Variants in ARID4A observed in about 807,000 individuals in gnomAD.
ARID4A encodes AT-rich interaction domain 4A.
In ARID4A, 39 loss-of-function variants were observed where a neutral mutation model predicts 148.6. The observed-to-expected ratio is 0.26, with a 90% CI of 0.20 to 0.34. The LOEUF is 0.34. Among genes scored for constraint, ARID4A ranks in the 10% least tolerant of loss-of-function variants. The pLI, the probability that ARID4A is intolerant of heterozygous loss-of-function variation, is 1.00. For synonymous variants in ARID4A, 475 were observed against 481.2 expected (o/e 0.99, Z 0.17); for missense variants, 1,265 against 1,449.1 (o/e 0.87, Z 2.06).
At chr14:58,342,913 A>G (rs118165328) in intron 11 of ARID4A, among the ~76,000 whole-genome samples, 4,319 of 138,026 alleles carry the variant, frequency 0.031, 85 homozygotes, top group Non-Finnish European at 0.044. Context: ...CTCTGTCTTT[A>G]AAAAAAAAAA....
In ARID4A at chr14:58,351,335, T is replaced by C; in HGVS notation, c.1655+12T>C. 6.3e-7 allele frequency: 1 copy of C among 1,586,530 alleles called. No individual in the cohort carries two copies. The highest frequency in any genetic ancestry group is 8.5e-7 in the Non-Finnish European group (1 of 1,172,814). The stretch of plus-strand genomic sequence containing the variant: ...AAAAGCCAAGAGAGGTACATTATCT[T>C]ATGTTTGTTCTCCAGAAGCACCTGT... On this transcript the variant is annotated intron_variant, in intron 16 of 23. Coordinates refer to ENST00000355431, the MANE Select transcript of ARID4A (RefSeq NM_002892.4).
In ARID4A at chr14:58,329,516, C is replaced by G. The variant is rs936994266; in HGVS notation, c.663-12C>G. On this transcript the variant is annotated splice_polypyrimidine_tract_variant and intron_variant, in intron 9 of 23. Transcript: ENST00000355431. ...AATAAATTGTTTTCCTCCCCTTCTT[C>G]TTGATAATTAGTTACTCTATAGCAA... is the stretch of plus-strand genomic sequence containing the variant. 5 of 1,554,476 alleles carry G rather than the reference C, an allele frequency of 3.2e-6. No homozygotes were observed. In the African/African-American group the frequency reaches 6.8e-5, roughly 21 times the overall value.
In ARID4A at chr14:58,372,579, G is replaced by A. The variant is rs1283747191; in HGVS notation, c.*590G>A. 9.7e-6 allele frequency: 2 copies of A among 206,954 alleles called. No individual in the cohort carries two copies. The highest frequency in any genetic ancestry group is 3.1e-3 in the Middle Eastern group (2 of 652). The allele number at this position is 206,954 out of a possible 1,614,324, so 12.8% of individuals were successfully genotyped here. ...GAAGTGTAGTTGACTGAAAACTACA[G>A]TTGTAATAAGTCTTCCACTTTTTAT... On this transcript the variant is annotated 3_prime_UTR_variant, in exon 24 of 24. Coordinates refer to ENST00000355431, the MANE Select transcript of ARID4A (RefSeq NM_002892.4).
chr14:58,322,114 G>A (rs962338761), intron 7 of ARID4A, among the ~76,000 whole-genome samples: 5 of 151,798 alleles, frequency 3.3e-5, no homozygotes, highest in Non-Finnish European at 5.9e-5. Context: ...AGGACTACAG[G>A]TGTGTGATAC....
Position 58,364,671 on chromosome 14 carries a change from G to A in ARID4A, c.2582G>A (p.Gly861Glu), listed in dbSNP as rs1330295921. ...KEKKLKRKIL[G>E]QSSPEKKIRI... is the part of the protein sequence containing the mutation. ...AAGAAGTTGAAACGGAAAATACTAG[G>A]ACAATCATCGCCAGAGAAAAAAATA... Residue 861 changes from glycine to glutamate, a missense_variant, in exon 20 of 24, where the codon GGA (glycine) becomes GAA (glutamate). By Grantham distance (98) the Gly-to-Glu change is moderately conservative. This residue lies in a region of ARID4A where 666 missense variants were observed against 730.9 expected (regional missense o/e 0.91). Coordinates refer to ENST00000355431, the MANE Select transcript of ARID4A (RefSeq NM_002892.4). 1.9e-6 allele frequency: 3 copies of A among 1,613,862 alleles called. No homozygotes were observed. Among genetic ancestry groups the A allele is most frequent in the Non-Finnish European group, 2.5e-6 (3 of 1,179,944 alleles).
At position 58,347,738 on chromosome 14, in the gene ARID4A, A is replaced by C; in HGVS notation, c.1264A>C (p.Lys422Gln). The change falls in exon 15 of 24, where the codon AAA becomes CAA. Residue 422 changes from lysine to glutamine, a missense_variant. By Grantham distance (53) the Lys-to-Gln change is moderately conservative. Around this residue, in one of 9 missense-constraint regions of ARID4A, gnomAD observed 205 missense variants for 196.9 expected, o/e 1.04. Coordinates refer to ENST00000355431, the MANE Select transcript of ARID4A (RefSeq NM_002892.4). ...HHEPKVKEEK[K>Q]DLEESMEEAL... ...TGAACCAAAAGTAAAAGAGGAAAAAAAAGACTTAGAAGAATCAATGGAAGA... is the reference window on the plus strand; with the variant it reads ...TGAACCAAAAGTAAAAGAGGAAAAACAAGACTTAGAAGAATCAATGGAAGA... The C allele has an allele frequency of 6.2e-7, 1 of 1,613,966 alleles. No homozygotes were observed. Among genetic ancestry groups the C allele is most frequent in the Non-Finnish European group, 8.5e-7 (1 of 1,179,908 alleles).
intron 17 of ARID4A, among the ~76,000 whole-genome samples, chr14:58,355,810 T>G (rs2034843615): frequency 6.6e-6 from 1 of 152,210 alleles, no homozygotes; most frequent in Non-Finnish European, 1.5e-5. Flanking sequence ...CACTCCTATT[T>G]CACATCTGTA....
chr14:58,319,622 T>C (rs2032723301), intron 7 of ARID4A, among the ~76,000 whole-genome samples: 2 of 131,554 alleles, frequency 1.5e-5, no homozygotes, highest in South Asian at 5.2e-4. Context: ...CTTGGCTCAC[T>C]GCAACTTTTG....
rs1012503627 is a variant in ARID4A at position 58,351,099 on chromosome 14, A to G, written c.1431A>G (p.Val477=). 2.5e-6 allele frequency: 4 copies of G among 1,598,194 alleles called. No individual in the cohort carries two copies. The African/African-American group carries it at 5.4e-5, about 22-fold the overall frequency. ...PRGRRRIARD[V]NSIKKEIEEE... The stretch of plus-strand genomic sequence containing the variant: ...GACGAAGGAGAATTGCTCGAGATGT[A>G]AATTCTATTAAAAAGGAAATTGAAG... Residue 477 remains valine, a synonymous_variant, in exon 16 of 24, where the codon GTA becomes GTG. Coordinates refer to ENST00000355431, the MANE Select transcript of ARID4A (RefSeq NM_002892.4).
At chr14:58,320,857 T>G (rs1005447385) in intron 7 of ARID4A, among the ~76,000 whole-genome samples, 4 of 152,190 alleles carry the variant, frequency 2.6e-5, no homozygotes, top group Admixed American at 1.3e-4. Flanking sequence ...TCTGCCCGCC[T>G]CGGCCTCCCA....
rs558537731 is a variant in ARID4A at position 58,318,110 on chromosome 14, A to G, written c.275-432A>G. Among the ~76,000 whole-genome samples, 76 of 152,370 alleles carry G rather than the reference A, an allele frequency of 5.0e-4. 1 individual carries two copies. Among genetic ancestry groups the G allele is most frequent in the African/African-American group, 1.8e-3 (74 of 41,590 alleles). On this transcript the variant is annotated intron_variant, in intron 5 of 23. Transcript: ENST00000355431. The stretch of plus-strand genomic sequence containing the variant: ...CATGCAAATAAATAGAAGCAGTAGA[A>G]TAATTCAATAGCAATACCAGGAGTC...
intron 5 of ARID4A, among the ~76,000 whole-genome samples, chr14:58,311,347 C>T (rs2032015130): frequency 6.6e-6 from 1 of 152,122 alleles, no homozygotes; most frequent in Non-Finnish European, 1.5e-5. Context: ...TGTTCAACAT[C>T]AGTAATCATC....
At chr14:58,335,915 T>TA (rs1289475583) in intron 11 of ARID4A, among the ~76,000 whole-genome samples, 1 of 152,180 alleles carries the variant, frequency 6.6e-6, no homozygotes, top group Non-Finnish European at 1.5e-5. Flanking sequence ...CTGTTCTCTT[T>TA]ACCTAGCCTA....
At chr14:58,318,662 T>G in intron 6 of ARID4A, 41 bp downstream of exon 6, 1 of 1,612,842 alleles carries the variant, frequency 6.2e-7, no homozygotes, top group South Asian at 1.1e-5. Flanking sequence ...GAACTACAGG[T>G]ACTGATCTAG....
intron 17 of ARID4A, among the ~76,000 whole-genome samples, chr14:58,354,569 GTTA>G (rs1437356020): frequency 3.9e-5 from 6 of 151,934 alleles, no homozygotes; most frequent in Non-Finnish European, 5.9e-5. Context: ...TGTAGTCCCA[GTTA>G]CCCAGAAGGC....
intron 8 of ARID4A, among the ~76,000 whole-genome samples, chr14:58,327,352 T>TA (rs2033273083): frequency 6.6e-6 from 1 of 152,158 alleles, no homozygotes; most frequent in Non-Finnish European, 1.5e-5. Flanking sequence ...TTTTAAAAAA[T>TA]ATAAAGTTCT....
chr14:58,357,709 A>G (rs1164687716), intron 17 of ARID4A, among the ~76,000 whole-genome samples: 1 of 151,912 alleles, frequency 6.6e-6, no homozygotes, highest in Non-Finnish European at 1.5e-5. Flanking sequence ...AGAGAAGCCA[A>G]AAGATTGGAC....
chr14:58,359,789 G>A (rs1037726658), intron 18 of ARID4A, among the ~76,000 whole-genome samples: 2 of 152,086 alleles, frequency 1.3e-5, no homozygotes, highest in Admixed American at 6.5e-5. Flanking sequence ...CATCTTGGCC[G>A]GGCATGGTGG....
chr14:58,314,200 A>G (rs1028601536), intron 5 of ARID4A, among the ~76,000 whole-genome samples: 2 of 152,210 alleles, frequency 1.3e-5, no homozygotes, highest in Non-Finnish European at 2.9e-5. Flanking sequence ...TCCTCTTAGC[A>G]TGCTATAGAA....
Sources: gnomAD v4.1 joint callset for allele counts (sites outside exome capture counted in the v4.1 genomes callset) on GRCh38, gnomAD v4.1.1 for gene constraint, gnomAD v4.1.1 regional missense constraint, MANE v1.5 for transcripts, NCBI Gene and HGNC (gene_info 2026-07-23, HGNC 2026-07-21) for gene names.